Variants in FAM53A observed in about 807,000 individuals in gnomAD.
FAM53A encodes the protein family with sequence similarity 53 member A.
A neutral mutation model predicts 26.6 loss-of-function variants in FAM53A; 28 were observed. The observed-to-expected ratio is 1.05, with a 90% confidence interval of 0.78 to 1.45. FAM53A has a LOEUF of 1.45. Ranked by LOEUF, FAM53A falls within the 40% of genes most tolerant of loss-of-function variation. The pLI is 0.00. For synonymous variants in FAM53A, 290 were observed against 253.1 expected (o/e 1.15, Z -1.38); for missense variants, 650 against 575.8 (o/e 1.13, Z -1.32).
At chr4:1,652,389 G>GCACACCA (rs149349138) in intron 4 of FAM53A, among the ~76,000 whole-genome samples, 40,766 of 118,192 alleles carry the variant, frequency 0.34, 6,148 homozygotes, top group Middle Eastern at 0.58. Context: ...CACATCACAT[G>GCACACCA]CACACCACAC....
intron 1 of FAM53A, among the ~76,000 whole-genome samples, chr4:1,682,283 A>C (rs1410567624): frequency 5.9e-5 from 5 of 84,804 alleles, no homozygotes; most frequent in Admixed American, 2.9e-4. Flanking sequence ...TTTTTTTTTG[A>C]GACAGAGTCT....
At chr4:1,649,176 A>AAG (rs1560151128) in intron 4 of FAM53A, among the ~76,000 whole-genome samples, 6 of 106,148 alleles carry the variant, frequency 5.7e-5, no homozygotes, top group East Asian at 3.2e-4. Flanking sequence ...GGAAAGGGAA[A>AAG]GGGAAGGGGA....
intron 1 of FAM53A, among the ~76,000 whole-genome samples, chr4:1,621,825 G>A (rs1036238551): frequency 4.6e-5 from 7 of 152,188 alleles, no homozygotes; most frequent in African/African-American, 1.4e-4. Context: ...ATATCCCTGC[G>A]GCCATGGGGC....
chr4:1,629,537 C>G (rs1486932303), intron 1 of FAM53A, among the ~76,000 whole-genome samples: 1 of 152,168 alleles, frequency 6.6e-6, no homozygotes, highest in African/African-American at 2.4e-5. Flanking sequence ...TTGGGCCTGT[C>G]CAGGCTCCAC....
chr4:1,628,636 A>G (rs1344528799), intron 1 of FAM53A, among the ~76,000 whole-genome samples: 13 of 3,104 alleles, frequency 4.2e-3, no homozygotes, highest in South Asian at 0.029. Flanking sequence ...GCATGGGGGG[A>G]GGGTGGCATG....
the FAM53A span, among the ~76,000 whole-genome samples, chr4:1,579,382 C>A: frequency 7.2e-5 from 11 of 152,028 alleles, no homozygotes; most frequent in South Asian, 2.1e-3. Context: ...GGTCTACTAC[C>A]CCATGGGGAC....
intron 4 of FAM53A, chr4:1,644,715 C>T (rs533767793): frequency 2.2e-4 from 42 of 194,006 alleles, no homozygotes; most frequent in African/African-American, 6.0e-4. Context: ...GGCTCCAAAG[C>T]GCAGAGGCCT....
the FAM53A span, among the ~76,000 whole-genome samples, chr4:1,577,446 T>G: frequency 6.6e-6 from 1 of 152,152 alleles, no homozygotes; most frequent in Non-Finnish European, 1.5e-5. Context: ...GGGGGGCTAC[T>G]GCCTGCTGGT....
the FAM53A span, among the ~76,000 whole-genome samples, chr4:1,576,204 G>A: frequency 1.3e-5 from 2 of 152,306 alleles, no homozygotes; most frequent in South Asian, 2.1e-4. Flanking sequence ...ATTTAATCTC[G>A]CGCCTATCTA....
intron 4 of FAM53A, among the ~76,000 whole-genome samples, chr4:1,643,100 G>A (rs937196860): frequency 3.3e-5 from 5 of 152,298 alleles, no homozygotes; most frequent in Admixed American, 1.3e-4. Context: ...CACTTCCAGC[G>A]ACTGATTTTT....
At chr4:1,574,422 C>T in the FAM53A span, 1 of 152,526 alleles carries the variant, frequency 6.6e-6, no homozygotes, top group Admixed American at 6.5e-5. Flanking sequence ...GTCAAAACCC[C>T]CGCCTGCCGG....
intron 1 of FAM53A, among the ~76,000 whole-genome samples, chr4:1,629,400 G>A (rs1320474906): frequency 1.3e-5 from 2 of 152,190 alleles, no homozygotes; most frequent in African/African-American, 2.4e-5. Context: ...CGGAGCCTGG[G>A]GCCTCAGGAC....
intron 4 of FAM53A, among the ~76,000 whole-genome samples, chr4:1,651,404 T>C (rs1362583748): frequency 1.3e-5 from 2 of 149,920 alleles, no homozygotes; most frequent in South Asian, 2.1e-4. Context: ...TGGTGGTGCA[T>C]GCCTGCAACC....
chr4:1,639,009 G>A (rs1187289180), downstream of FAM53A, among the ~76,000 whole-genome samples: 3 of 152,180 alleles, frequency 2.0e-5, no homozygotes, highest in Non-Finnish European at 4.4e-5. Flanking sequence ...AGGCCTTGGT[G>A]GGGACCTCGG....
downstream of FAM53A, among the ~76,000 whole-genome samples, chr4:1,635,238 C>T (rs565084807): frequency 5.9e-5 from 9 of 152,262 alleles, no homozygotes; most frequent in South Asian, 2.1e-4. Flanking sequence ...GGGTCTTCTC[C>T]GCTGTGGCTT....
intron 1 of FAM53A, among the ~76,000 whole-genome samples, chr4:1,623,746 C>G (rs1476676779): frequency 6.6e-6 from 1 of 152,270 alleles, no homozygotes; most frequent in East Asian, 1.9e-4. Context: ...TCGGACGTTA[C>G]CATACATTCC....
intron 1 of FAM53A, among the ~76,000 whole-genome samples, chr4:1,672,526 C>A (rs1327327614): frequency 6.6e-6 from 1 of 152,126 alleles, no homozygotes; most frequent in African/African-American, 2.4e-5. Flanking sequence ...GACCAATGTC[C>A]CAACACAACA....
chr4:1,622,837 C>G (rs1437440695), intron 1 of FAM53A, among the ~76,000 whole-genome samples: 10 of 152,180 alleles, frequency 6.6e-5, no homozygotes, highest in Non-Finnish European at 1.3e-4. Context: ...CCAGAAGCAA[C>G]CACCCTCTGC....
chr4:1,647,280 A>C (rs1712329764), intron 4 of FAM53A, among the ~76,000 whole-genome samples: 1 of 151,790 alleles, frequency 6.6e-6, no homozygotes, highest in Admixed American at 6.6e-5. Flanking sequence ...GGTTGCAGTT[A>C]GCCGAGATGG....
Sources: allele counts gnomAD v4.1 joint callset (sites outside exome capture counted in the v4.1 genomes callset), GRCh38; gene constraint gnomAD v4.1.1; transcripts MANE v1.5; gene names NCBI Gene and HGNC (gene_info 2026-07-23, HGNC 2026-07-21).